CACNA1C: variants seen among roughly 807,000 people sequenced by gnomAD.
CACNA1C encodes the protein voltage-dependent L-type calcium channel subunit alpha-1C.
CACNA1C carries 30 observed loss-of-function variants against 229.0 expected under a neutral mutation model. That is an observed-to-expected ratio of 0.13 (90% CI 0.10 to 0.18). CACNA1C has a LOEUF of 0.18. Ranked by LOEUF, CACNA1C falls within the 10% of genes least tolerant of loss-of-function variation. The pLI is 1.00. For missense variants in CACNA1C, 1,658 were observed against 2,845.0 expected (o/e 0.58, Z 9.49); for synonymous variants, 1,114 against 1,132.5 (o/e 0.98, Z 0.33).
intron 44 of CACNA1C, 25 bp from the exon 45 acceptor site, chr12:2,686,141 G>A (rs376446099): frequency 3.1e-4 from 492 of 1,586,458 alleles, no homozygotes; most frequent in Non-Finnish European, 4.1e-4. Context: ...CTGCCCTGAT[G>A]GTGGCTCTCT....
chr12:2,658,375 A>G (rs1006580001), intron 34 of CACNA1C, among the ~76,000 whole-genome samples: 3 of 152,230 alleles, frequency 2.0e-5, no homozygotes, highest in Non-Finnish European at 1.5e-5. Flanking sequence ...ATGACATTTC[A>G]GCCAATGACA....
At chr12:2,537,328 T>G (rs1300206814) in intron 9 of CACNA1C, among the ~76,000 whole-genome samples, 1 of 152,210 alleles carries the variant, frequency 6.6e-6, no homozygotes, top group East Asian at 1.9e-4. Context: ...ACGACTGAAT[T>G]TTCTAAGCCT....
intron 1 of CACNA1C, among the ~76,000 whole-genome samples, chr12:2,002,238 T>C (rs1294855659): frequency 6.6e-6 from 1 of 152,222 alleles, no homozygotes; most frequent in Non-Finnish European, 1.5e-5. Flanking sequence ...CTTTCTCCTC[T>C]ATTCTCAACA....
At position 2,625,051 on chromosome 12, in the gene CACNA1C, TAGAC is replaced by T. The variant is rs111257832; in HGVS notation, c.3829-9243_3829-9240del. ...GCACCGGGTGCCACGCAGTGCTCCT[TAGAC>T]AGGCAGGCCCCAGCTTTGCCAGGAG... On this transcript the variant is annotated intron_variant, in intron 29 of 46. Transcript: ENST00000399655. 9.4e-3 allele frequency among the ~76,000 whole-genome samples: 1,439 copies of T among 152,294 alleles called. 16 individuals are homozygous for T. Among genetic ancestry groups the T allele is most frequent in the African/African-American group, 0.033 (1,353 of 41,562 alleles).
intron 3 of CACNA1C, among the ~76,000 whole-genome samples, chr12:2,200,204 A>AAAGTG (rs2097542771): frequency 6.6e-6 from 1 of 152,224 alleles, no homozygotes; most frequent in Non-Finnish European, 1.5e-5. Context: ...CTGTATCAGT[A>AAAGTG]TATCCATTAG....
At position 2,544,640 on chromosome 12, in the gene CACNA1C, A is replaced by G. The variant is rs555976847; in HGVS notation, c.1391-5303A>G. Among the ~76,000 whole-genome samples the G allele has an allele frequency of 4.6e-5, 7 of 152,340 alleles. No individual in the cohort carries two copies. The South Asian group carries it at 1.5e-3, about 32-fold the overall frequency. On this transcript the variant is annotated intron_variant, in intron 9 of 46. Coordinates refer to ENST00000399655, the MANE Select transcript of CACNA1C (RefSeq NM_000719.7). ...AACAAGAAATAAGATTTTTATTCCT[A>G]TTATGTAAAACTCCGTGCTTCCAGA...
intron 6 of CACNA1C, among the ~76,000 whole-genome samples, chr12:2,489,188 G>A (rs1597852508): frequency 6.6e-6 from 1 of 152,176 alleles, no homozygotes; most frequent in Middle Eastern, 3.4e-3. Context: ...ACACAAAAGT[G>A]CTTTGTGAGC....
At chr12:2,235,625 C>A (rs944115245) in intron 3 of CACNA1C, among the ~76,000 whole-genome samples, 2 of 152,180 alleles carry the variant, frequency 1.3e-5, no homozygotes, top group East Asian at 1.9e-4. Flanking sequence ...TGCCGGTTTA[C>A]CCAGGGATGG....
At chr12:2,554,274 T>G (rs2042874824) in intron 10 of CACNA1C, among the ~76,000 whole-genome samples, 1 of 152,026 alleles carries the variant, frequency 6.6e-6, no homozygotes, top group Admixed American at 6.5e-5. Flanking sequence ...TGTCTTGGAG[T>G]CCTGGGTGGA....
chr12:2,020,904 C>T (rs1405161153), intron 1 of CACNA1C, among the ~76,000 whole-genome samples: 5 of 152,144 alleles, frequency 3.3e-5, no homozygotes, highest in Non-Finnish European at 7.3e-5. Context: ...AAGTTCTTCC[C>T]TGTATGGAAC....
intron 3 of CACNA1C, among the ~76,000 whole-genome samples, chr12:2,314,785 CT>C (rs913187089): frequency 1.3e-5 from 2 of 151,968 alleles, no homozygotes; most frequent in Non-Finnish European, 2.9e-5. Flanking sequence ...TATTTTCTGT[CT>C]TTTTTTAATG....
intron 3 of CACNA1C, among the ~76,000 whole-genome samples, chr12:2,124,417 T>C (rs1182242826): frequency 1.3e-5 from 2 of 152,144 alleles, no homozygotes; most frequent in East Asian, 3.9e-4. Flanking sequence ...TGAGTATACA[T>C]GTGGTCACAT....
intron 3 of CACNA1C, among the ~76,000 whole-genome samples, chr12:2,120,778 C>T (rs2086329470): frequency 6.6e-6 from 1 of 151,258 alleles, no homozygotes; most frequent in African/African-American, 2.4e-5. Flanking sequence ...AACATCTGTT[C>T]TTGGATTGTG....
chr12:2,056,431 C>T (rs1480570871), intron 1 of CACNA1C, among the ~76,000 whole-genome samples: 1 of 152,166 alleles, frequency 6.6e-6, no homozygotes, highest in Non-Finnish European at 1.5e-5. Flanking sequence ...CAGGCTCCAG[C>T]TAGCAAATGA....
intron 3 of CACNA1C, among the ~76,000 whole-genome samples, chr12:2,436,413 G>A (rs2239077): frequency 0.61 from 92,309 of 152,018 alleles, 28,835 homozygotes; most frequent in African/African-American, 0.75. Flanking sequence ...GAGCTGTAAC[G>A]TTACTGCCTC....
rs2091632600 is a variant in CACNA1C at position 2,633,778 on chromosome 12, C to T, written c.3829-519C>T. 1.2e-6 allele frequency: 1 copy of T among 816,692 alleles called. No homozygotes were observed. The highest frequency in any genetic ancestry group is 1.5e-5 in the South Asian group (1 of 66,320). The allele number at this position is 816,692 out of a possible 1,614,324, so 50.6% of individuals were successfully genotyped here. On this transcript the variant is annotated intron_variant, in intron 29 of 46. Coordinates refer to ENST00000399655, the MANE Select transcript of CACNA1C (RefSeq NM_000719.7). The surrounding 1 kb of genome is among the most constrained non-coding windows in gnomAD (Gnocchi z 5.8). ...CTCCTCCTCTGCCTCGTCTATTTCT[C>T]TCTCTCTCACTCTCTCTGTTTACCT...
chr12:2,061,842 A>G (rs1448446606), intron 1 of CACNA1C, among the ~76,000 whole-genome samples: 1 of 152,232 alleles, frequency 6.6e-6, no homozygotes, highest in African/African-American at 2.4e-5. Context: ...TGGAAAATAA[A>G]ACTTTGCTTC....
At chr12:2,458,981 C>CT (rs71057826) in intron 5 of CACNA1C, among the ~76,000 whole-genome samples, 23,055 of 105,646 alleles carry the variant, frequency 0.22, 3,341 homozygotes, top group Non-Finnish European at 0.29. Context: ...CTTTTTCTTT[C>CT]TTTTTTTTTT....
intron 1 of CACNA1C, among the ~76,000 whole-genome samples, chr12:2,033,361 G>A (rs1227622822): frequency 6.6e-6 from 1 of 152,130 alleles, no homozygotes; most frequent in Non-Finnish European, 1.5e-5. Context: ...ATGCTGAGGG[G>A]GCAGCTCTGG....
Sources: gnomAD v4.1 joint callset for allele counts (sites outside exome capture counted in the v4.1 genomes callset) on GRCh38, gnomAD v4.1.1 for gene constraint, Gnocchi (gnomAD v3.1) non-coding constraint, MANE v1.5 for transcripts, NCBI Gene and HGNC (gene_info 2026-07-23, HGNC 2026-07-21) for gene names.